The following GNAL variants were observed in gnomAD, a reference collection of about 807,000 sequenced individuals.
GNAL encodes the protein G protein subunit alpha L, also known as guanine nucleotide-binding protein G(olf) subunit alpha.
GNAL carries 18 observed loss-of-function variants against 55.1 expected under a neutral mutation model. The ratio of observed to expected loss-of-function variants is 0.33; its 90% CI spans 0.23 to 0.48. GNAL has a LOEUF of 0.48. Among genes scored for constraint, GNAL ranks in the 20% least tolerant of loss-of-function variants. The probability of loss-of-function intolerance (pLI) is 0.99; values close to 1 mark genes in which losing one functional copy is unlikely to be tolerated. For missense variants in GNAL, 412 were observed against 614.1 expected, an observed-to-expected ratio of 0.67 and a Z score of 3.48; for synonymous variants, 253 against 237.0, an observed-to-expected ratio of 1.07 and a Z score of -0.62.
At chr18:11,749,199 A>G (rs7227421) in intron 1 of GNAL, among the ~76,000 whole-genome samples, 10,589 of 150,872 alleles carry the variant, frequency 0.07, 610 homozygotes, top group African/African-American at 0.16. Flanking sequence ...CTGGGTTGAT[A>G]TTGCCACGTG....
At chr18:11,844,518 C>T (rs954183806) in intron 5 of GNAL, among the ~76,000 whole-genome samples, 1 of 152,220 alleles carries the variant, frequency 6.6e-6, no homozygotes, top group African/African-American at 2.4e-5. Flanking sequence ...CGTTTTAAAT[C>T]ACTTGTGCCT....
chr18:11,799,192 C>G (rs1470947500), intron 4 of GNAL, among the ~76,000 whole-genome samples: 1 of 152,012 alleles, frequency 6.6e-6, no homozygotes, highest in Non-Finnish European at 1.5e-5. Context: ...CCCCAGGATC[C>G]CAAGCCCATA....
In GNAL at chr18:11,814,544, A is replaced by G. The variant is rs947647602; in HGVS notation, c.625-10374A>G. ...CTCTGTCTCAGAAAAGAAAAGAAAA[A>G]GAAAAAAAATGAAAAACAAAACACC... On this transcript the variant is annotated intron_variant, in intron 4 of 11. Coordinates refer to ENST00000334049, the MANE Select transcript of GNAL (RefSeq NM_182978.4). 4.6e-5 allele frequency among the ~76,000 whole-genome samples: 7 copies of G among 151,976 alleles called. No individual in the cohort carries two copies. The East Asian group carries it at 1.2e-3, about 25-fold the overall frequency.
intron 1 of GNAL, among the ~76,000 whole-genome samples, chr18:11,745,246 T>G (rs1044064764): frequency 2.6e-5 from 4 of 152,192 alleles, no homozygotes; most frequent in Admixed American, 1.3e-4. Flanking sequence ...CCTTGAATTT[T>G]TTCATCCTTT....
chr18:11,881,116 A>G lies in GNAL; in HGVS notation c.1358A>G (p.Lys453Arg). Reference protein sequence around the residue: ...CRDIIQRMHLKQYELL With the variant: ...CRDIIQRMHLRQYELL ...GACATCATCCAGCGGATGCACCTCAAGCAGTATGAGCTCTTGTGAGGATGC... is the reference window on the plus strand; with the variant it reads ...GACATCATCCAGCGGATGCACCTCAGGCAGTATGAGCTCTTGTGAGGATGC... The change falls in exon 12 of 12, where the codon AAG becomes AGG. Residue 453 changes from lysine (K) to arginine (R), a missense_variant. Lys to Arg is a conservative substitution (Grantham distance 26, BLOSUM62 2). Transcript: ENST00000334049. The surrounding 1 kb of genome is among the most constrained non-coding windows in gnomAD (Gnocchi z 4.8). 1 of 1,610,910 alleles carries G rather than the reference A, an allele frequency of 6.2e-7. No individual in the cohort carries two copies. Among genetic ancestry groups the G allele is most frequent in the Non-Finnish European group, 8.5e-7 (1 of 1,178,528 alleles).
At position 11,884,792 on chromosome 18, in the gene GNAL, C is replaced by T; in HGVS notation, c.*3657C>T. 7.3e-7 allele frequency: 1 copy of T among 1,367,102 alleles called. No homozygotes were observed. The highest frequency in any genetic ancestry group is 9.6e-7 in the Non-Finnish European group (1 of 1,039,476). The allele number at this position is 1,367,102 out of a possible 1,614,324, so 84.7% of individuals were successfully genotyped here. On this transcript the variant is annotated 3_prime_UTR_variant, in exon 12 of 12. Transcript: ENST00000334049. ...AAGGGGGCCCAGCCTTCTCCCTGCA[C>T]AGCTCACCCCCGACCAGCCCAGGCT...
At chr18:11,750,198 C>G (rs545034032) in intron 1 of GNAL, among the ~76,000 whole-genome samples, 1 of 152,126 alleles carries the variant, frequency 6.6e-6, no homozygotes, top group Non-Finnish European at 1.5e-5. Flanking sequence ...TAACTCCCAC[C>G]GTTCTGGTTT....
chr18:11,869,289 G>A lies in GNAL; in HGVS notation c.1031+626G>A, dbSNP rs372008791. ...CTCCTGAGTAGCTGGGACTACAGGC[G>A]CCCTCCACCACACCCAGCTAATATT... On this transcript the variant is annotated intron_variant, in intron 9 of 11. Coordinates refer to ENST00000334049, the MANE Select transcript of GNAL (RefSeq NM_182978.4). Among the ~76,000 whole-genome samples, 240 of 151,986 alleles carry A rather than the reference G, an allele frequency of 1.6e-3. 2 individuals carry two copies. The highest frequency in any genetic ancestry group is 5.6e-3 in the African/African-American group (233 of 41,452).
At chr18:11,710,587 G>A (rs1355133114) in intron 1 of GNAL, among the ~76,000 whole-genome samples, 2 of 150,678 alleles carry the variant, frequency 1.3e-5, no homozygotes, top group South Asian at 2.1e-4. Context: ...GTCATATATG[G>A]TGGTGATGAA....
rs1449329124 is a variant in GNAL at position 11,870,138 on chromosome 18, G to A, written c.1031+1475G>A. On this transcript the variant is annotated intron_variant, in intron 9 of 11. Transcript: ENST00000334049. ...CCTCAAATTTTGGTTTTCACAGGGAGTCCTAGACCAATCCCCCACGGGTAT... is the reference window on the plus strand; with the variant it reads ...CCTCAAATTTTGGTTTTCACAGGGAATCCTAGACCAATCCCCCACGGGTAT... Among the ~76,000 whole-genome samples, 3 of 152,176 alleles carry A rather than the reference G, an allele frequency of 2.0e-5. No homozygotes were observed. In the East Asian group the frequency reaches 5.8e-4, roughly 29 times the overall value.
intron 4 of GNAL, among the ~76,000 whole-genome samples, chr18:11,814,346 GA>G (rs1024429562): frequency 2.0e-4 from 31 of 152,036 alleles, no homozygotes; most frequent in African/African-American, 7.2e-4. Context: ...CCAACGTGGT[GA>G]AACCCCGTCT....
At chr18:11,768,198 G>A (rs760309012) in intron 4 of GNAL, among the ~76,000 whole-genome samples, 3 of 152,152 alleles carry the variant, frequency 2.0e-5, no homozygotes, top group Admixed American at 6.5e-5. Flanking sequence ...ATAAAGCCAC[G>A]TATTTATCAA....
rs191645689 is a variant in GNAL, at chr18:11,769,306, G to A, written c.624+15361G>A. Among the ~76,000 whole-genome samples, 407 of 150,764 alleles carry A rather than the reference G, an allele frequency of 2.7e-3. 3 individuals carry two copies. The highest frequency in any genetic ancestry group is 9.5e-3 in the African/African-American group (391 of 41,110). ...CATTCTGTAGCCATTCAGAAAAGAA[G>A]ATTAATAAGGACTATTGTGCTCAGA... On this transcript the variant is annotated intron_variant, in intron 4 of 11. Coordinates refer to ENST00000334049, the MANE Select transcript of GNAL (RefSeq NM_182978.4).
chr18:11,775,473 C>T (rs987797134), intron 4 of GNAL, among the ~76,000 whole-genome samples: 11 of 152,242 alleles, frequency 7.2e-5, no homozygotes, highest in Non-Finnish European at 1.3e-4. Context: ...GGGGTAGATA[C>T]GTGGCCCGTG....
At chr18:11,724,110 A>G (rs1483344062) in intron 1 of GNAL, among the ~76,000 whole-genome samples, 2 of 152,236 alleles carry the variant, frequency 1.3e-5, no homozygotes. Flanking sequence ...AGAAGCCTGC[A>G]TTAGTCTGTT....
chr18:11,716,122 C>T (rs1394537093), intron 1 of GNAL, among the ~76,000 whole-genome samples: 1 of 152,210 alleles, frequency 6.6e-6, no homozygotes, highest in African/African-American at 2.4e-5. Context: ...AACAGAACTA[C>T]CATTCGACGC....
chr18:11,827,268 C>T (rs530208483), intron 5 of GNAL, among the ~76,000 whole-genome samples: 3 of 152,146 alleles, frequency 2.0e-5, no homozygotes, highest in Non-Finnish European at 4.4e-5. Flanking sequence ...CTCCATTATA[C>T]ACTAAAGAAA....
At chr18:11,818,404 T>C (rs2143612755) in intron 4 of GNAL, among the ~76,000 whole-genome samples, 1 of 152,296 alleles carries the variant, frequency 6.6e-6, no homozygotes, top group Admixed American at 6.5e-5. Flanking sequence ...ACTCGAGTTT[T>C]AAAAAATTCA....
At chr18:11,878,372 G>A (rs1233391234) in intron 11 of GNAL, among the ~76,000 whole-genome samples, 1 of 152,164 alleles carries the variant, frequency 6.6e-6, no homozygotes, top group Non-Finnish European at 1.5e-5. Flanking sequence ...GATCCCTTGA[G>A]CCTAGGAATT....
Sources: allele counts gnomAD v4.1 joint callset (sites outside exome capture counted in the v4.1 genomes callset), GRCh38; gene constraint gnomAD v4.1.1; non-coding constraint Gnocchi (gnomAD v3.1); transcripts MANE v1.5; gene names NCBI Gene and HGNC (gene_info 2026-07-23, HGNC 2026-07-21).